ASNS: variants seen among roughly 807,000 people sequenced by gnomAD.
ASNS encodes asparagine synthetase [glutamine-hydrolyzing].
In ASNS, 37 loss-of-function variants were observed where a neutral mutation model predicts 62.6. The observed-to-expected ratio is 0.59, with a 90% CI of 0.45 to 0.78. The LOEUF is 0.78. Among genes scored for constraint, ASNS ranks in the 30% least tolerant of loss-of-function variants. The pLI is 0.00. For missense variants in ASNS, 520 were observed against 682.4 expected, an observed-to-expected ratio of 0.76 and a Z score of 2.65; for synonymous variants, 207 against 237.9, an observed-to-expected ratio of 0.87 and a Z score of 1.19.
chr7:97,877,095 CTTT>C (rs55853302), upstream of ASNS, among the ~76,000 whole-genome samples: 42 of 120,394 alleles, frequency 3.5e-4, no homozygotes, highest in Admixed American at 3.3e-4. Context: ...CATTTAACTT[CTTT>C]TTTTTTTTTT....
chr7:97,863,819 C>T (rs1034215704), intron 4 of ASNS: 1 of 155,410 alleles, frequency 6.4e-6, no homozygotes, highest in Non-Finnish European at 1.4e-5. Flanking sequence ...TGTGAATATA[C>T]TAAAAACCAC....
At chr7:97,874,268 G>T (rs1054971739), upstream of ASNS, among the ~76,000 whole-genome samples, 3 of 152,076 alleles carry the variant, frequency 2.0e-5, no homozygotes, top group African/African-American at 7.2e-5. Context: ...CTGGCTCACC[G>T]GCGGTCAGAG....
At position 97,856,713 on chromosome 7, in the gene ASNS, A is replaced by C; in HGVS notation, c.1007T>G (p.Ile336Ser). Residue 336 changes from isoleucine to serine, a missense_variant, in exon 8 of 13, where the codon ATT becomes AGT. Physicochemically the swap from Ile to Ser is moderately radical, Grantham distance 142 (BLOSUM62 -2). Transcript: ENST00000394308. ...ACCTACTGAAGCACGAACTGTTGTAATGTCATAAGTTTCCAAGGAAAATAT... is the reference window on the plus strand; with the variant it reads ...ACCTACTGAAGCACGAACTGTTGTACTGTCATAAGTTTCCAAGGAAAATAT... ...EVIFSLETYD[I>S]TTVRASVGMY... is the part of the protein sequence containing the mutation. 6.2e-7 allele frequency: 1 copy of C among 1,613,112 alleles called. No homozygotes were observed. Among genetic ancestry groups the C allele is most frequent in the African/African-American group, 1.3e-5 (1 of 74,984 alleles).
rs1219498332 is a variant in ASNS, at chr7:97,854,693, CA to C, written c.1138-14del. 2 of 1,613,800 alleles carry C rather than the reference CA, an allele frequency of 1.2e-6. No homozygotes were observed. The highest frequency in any genetic ancestry group is 1.7e-5 in the Admixed American group (1 of 59,910). ...CAGGAGAAGGAGCCTATTTCACAAA[CA>C]AAAACACCAAGAGTTTTGCTTTTGG... On this transcript the variant is annotated splice_polypyrimidine_tract_variant and intron_variant, in intron 9 of 12. Transcript: ENST00000394308.
At chr7:97,853,257 T>C (rs1791275343) in intron 11 of ASNS, 42 bp from the exon 12 acceptor site, 2 of 1,611,000 alleles carry the variant, frequency 1.2e-6, no homozygotes, top group Admixed American at 3.4e-5. Flanking sequence ...AAATTACAAA[T>C]ATAATCTGAT....
At chr7:97,926,879 T>G in the ASNS span, among the ~76,000 whole-genome samples, 6 of 152,052 alleles carry the variant, frequency 3.9e-5, no homozygotes, top group African/African-American at 1.5e-4. Context: ...ATGGAGATTC[T>G]GGCTTAAGAC....
the ASNS span, among the ~76,000 whole-genome samples, chr7:97,923,266 A>C: frequency 6.7e-6 from 1 of 149,366 alleles, no homozygotes. Flanking sequence ...TGACTTTTCC[A>C]ATGTGTTTGA....
At chr7:97,899,367 C>T in the ASNS span, among the ~76,000 whole-genome samples, 2 of 152,176 alleles carry the variant, frequency 1.3e-5, no homozygotes, top group African/African-American at 4.8e-5. Flanking sequence ...AAGAAATCCT[C>T]CCACCACAGC....
At chr7:97,869,741 C>T (rs1473537348) in intron 2 of ASNS, 37 bp downstream of exon 2, 3 of 152,680 alleles carry the variant, frequency 2.0e-5, no homozygotes, top group Non-Finnish European at 4.4e-5. Flanking sequence ...AGATACGCAG[C>T]TCTTTCAAGC....
the ASNS span, among the ~76,000 whole-genome samples, chr7:97,894,480 C>CAAAAAAAA: frequency 1.9e-4 from 7 of 36,546 alleles, no homozygotes; most frequent in African/African-American, 3.6e-4. Flanking sequence ...TGAGGCTAAC[C>CAAAAAAAA]AAAAAAAAAA....
chr7:97,901,435 C>T, the ASNS span, among the ~76,000 whole-genome samples: 20 of 152,238 alleles, frequency 1.3e-4, 1 homozygote, highest in African/African-American at 2.6e-4. Flanking sequence ...TCAAGTGATC[C>T]GCCTGCCTTG....
chr7:97,867,309 T>TG lies in ASNS; in HGVS notation c.249+1598dup, dbSNP rs1033083440. 1.3e-4 allele frequency among the ~76,000 whole-genome samples: 20 copies of TG among 151,790 alleles called. 1 individual carries two copies. The highest frequency in any genetic ancestry group is 4.3e-4 in the African/African-American group (18 of 41,394). ...CTTTATTTTTACCAAAAAGGAGGTG[T>TG]GGGGGGGATTTCTGAATACTTTATA... On this transcript the variant is annotated intron_variant, in intron 3 of 12. Transcript: ENST00000394308.
At chr7:97,882,008 C>A in the ASNS span, among the ~76,000 whole-genome samples, 1 of 152,070 alleles carries the variant, frequency 6.6e-6, no homozygotes, top group Non-Finnish European at 1.5e-5. Context: ...TGTACCACCA[C>A]GCCTGGCTAA....
chr7:97,864,714 A>G (rs1020244726), intron 3 of ASNS, among the ~76,000 whole-genome samples: 2 of 152,222 alleles, frequency 1.3e-5, no homozygotes, highest in African/African-American at 4.8e-5. Context: ...TTTTAGTTGC[A>G]GTCTGATAAA....
At chr7:97,886,569 G>A in the ASNS span, among the ~76,000 whole-genome samples, 1 of 152,070 alleles carries the variant, frequency 6.6e-6, no homozygotes. Flanking sequence ...AGTTTTGGAG[G>A]GGAGAAGTGG....
At chr7:97,918,715 G>A in the ASNS span, among the ~76,000 whole-genome samples, 39 of 152,314 alleles carry the variant, frequency 2.6e-4, no homozygotes, top group East Asian at 1.7e-3. Context: ...ACTCATAAGT[G>A]GGAGTTGAAA....
At chr7:97,882,766 T>C in the ASNS span, among the ~76,000 whole-genome samples, 26 of 151,872 alleles carry the variant, frequency 1.7e-4, no homozygotes, top group Admixed American at 1.3e-3. Flanking sequence ...AAAATAAGGT[T>C]GTGTCACTCA....
chr7:97,883,905 G>A, the ASNS span, among the ~76,000 whole-genome samples: 1 of 150,968 alleles, frequency 6.6e-6, no homozygotes, highest in African/African-American at 2.4e-5. Context: ...GGAGAATGGC[G>A]TGAACGCGGG....
At chr7:97,870,343 GTGTT>G (rs1388018648) in intron 1 of ASNS, 1 of 384,584 alleles carries the variant, frequency 2.6e-6, no homozygotes, top group Non-Finnish European at 4.7e-6. Flanking sequence ...AACTATTTTG[GTGTT>G]TTTTTTAAAA....
Sources: allele counts gnomAD v4.1 joint callset (sites outside exome capture counted in the v4.1 genomes callset), GRCh38; gene constraint gnomAD v4.1.1; transcripts MANE v1.5; gene names NCBI Gene and HGNC (gene_info 2026-07-23, HGNC 2026-07-21).